TFG: variants seen among roughly 807,000 people sequenced by gnomAD.
The protein encoded by TFG is protein TFG.
Under a neutral mutation model 51.4 loss-of-function variants are expected in TFG, and 22 were observed. The ratio of observed to expected loss-of-function variants is 0.43; its 90% CI spans 0.31 to 0.61. TFG has a LOEUF of 0.61. TFG is among the 20% of genes least tolerant of loss of function. The pLI is 0.12. For missense variants in TFG, 419 were observed against 487.7 expected (o/e 0.86, Z 1.33); for synonymous variants, 187 against 165.6 (o/e 1.13, Z -0.99).
chr3:100,722,460 C>T (rs1455172808), intron 3 of TFG, among the ~76,000 whole-genome samples: 2 of 152,100 alleles, frequency 1.3e-5, no homozygotes, highest in Non-Finnish European at 2.9e-5. Flanking sequence ...AGTGGAAATA[C>T]ATTGAGGTAA....
intron 6 of TFG, among the ~76,000 whole-genome samples, chr3:100,738,858 AAATT>A (rs1489731934): frequency 6.6e-6 from 1 of 152,174 alleles, no homozygotes; most frequent in Non-Finnish European, 1.5e-5. Flanking sequence ...AGAAAAGGTA[AAATT>A]AATTTTATTT....
chr3:100,744,778 CTT>C (rs1396987172), intron 6 of TFG, 53 bp from the exon 7 acceptor site: 1 of 1,170,788 alleles, frequency 8.5e-7, no homozygotes, highest in Non-Finnish European at 1.3e-6. Context: ...AAATATTTCT[CTT>C]TGCCACATTA....
At chr3:100,733,261 C>T (rs2095096834) in intron 5 of TFG, among the ~76,000 whole-genome samples, 1 of 152,116 alleles carries the variant, frequency 6.6e-6, no homozygotes, top group South Asian at 2.1e-4. Flanking sequence ...TTGATACTGT[C>T]TCATGGGTCA....
At chr3:100,744,476 C>A (rs765831498) in intron 6 of TFG, 12 of 170,138 alleles carry the variant, frequency 7.1e-5, no homozygotes, top group Non-Finnish European at 1.5e-4. Flanking sequence ...TCCCTTTTCT[C>A]ATTTTTATTT....
intron 6 of TFG, among the ~76,000 whole-genome samples, chr3:100,739,422 C>G (rs1453275807): frequency 1.3e-5 from 2 of 151,870 alleles, no homozygotes; most frequent in Non-Finnish European, 2.9e-5. Flanking sequence ...TAATGTTACT[C>G]TTTTTCATAT....
intron 5 of TFG, among the ~76,000 whole-genome samples, chr3:100,735,756 T>C (rs1466905841): frequency 6.6e-6 from 1 of 152,212 alleles, no homozygotes; most frequent in African/African-American, 2.4e-5. Flanking sequence ...GTGTTCATTA[T>C]TTTGTAAGAA....
At chr3:100,729,996 C>G (rs897677488) in intron 4 of TFG, among the ~76,000 whole-genome samples, 5 of 152,008 alleles carry the variant, frequency 3.3e-5, no homozygotes, top group African/African-American at 1.2e-4. Flanking sequence ...ATGATGAAAC[C>G]TTTTATATTT....
At chr3:100,736,838 C>T in intron 6 of TFG, 122 bp downstream of exon 6, 1 of 1,096,764 alleles carries the variant, frequency 9.1e-7, no homozygotes, top group Non-Finnish European at 1.3e-6. Context: ...TTTTGATTTA[C>T]TGACATGATT....
At chr3:100,735,873 AAGTGAG>A (rs1248861722) in intron 5 of TFG, among the ~76,000 whole-genome samples, 9 of 152,094 alleles carry the variant, frequency 5.9e-5, no homozygotes, top group Admixed American at 5.9e-4. Flanking sequence ...TTAAGAGGGA[AAGTGAG>A]AGCTATTCAG....
intron 6 of TFG, among the ~76,000 whole-genome samples, chr3:100,737,564 A>G (rs975957410): frequency 1.3e-5 from 2 of 152,240 alleles, no homozygotes; most frequent in Non-Finnish European, 2.9e-5. Context: ...TTAAAGCCGC[A>G]TTCCACTTCA....
At chr3:100,715,677 G>A (rs1471551022) in intron 2 of TFG, among the ~76,000 whole-genome samples, 1 of 151,572 alleles carries the variant, frequency 6.6e-6, no homozygotes, top group African/African-American at 2.4e-5. Flanking sequence ...ATCATACATT[G>A]ATTTGCACCT....
At chr3:100,737,260 G>T (rs557088402) in intron 6 of TFG, among the ~76,000 whole-genome samples, 47 of 152,298 alleles carry the variant, frequency 3.1e-4, no homozygotes, top group African/African-American at 1.0e-3. Flanking sequence ...ATCTGTCCTT[G>T]GATATGCAGT....
chr3:100,713,493 A>C (rs559657895), intron 1 of TFG, 150 bp from the exon 2 acceptor site: 21 of 377,444 alleles, frequency 5.6e-5, no homozygotes, highest in African/African-American at 4.3e-4. Context: ...CAGTAAAATA[A>C]TGTTGCCTCC....
chr3:100,713,338 C>G (rs779567860), intron 1 of TFG, among the ~76,000 whole-genome samples: 2 of 152,070 alleles, frequency 1.3e-5, no homozygotes, highest in East Asian at 1.9e-4. Flanking sequence ...AAAGAAGCCT[C>G]TAGGAGAGGC....
Position 100,737,220 on chromosome 3 carries a change from A to G in TFG, c.721+504A>G, listed in dbSNP as rs145104559. ...GTCTTTAATGGAAAAAAAGCAGTGT[A>G]TTTTAAGTCAGACTTTTTCTTCTGA... is the stretch of plus-strand genomic sequence containing the variant. On this transcript the variant is annotated intron_variant, in intron 6 of 7. Transcript: ENST00000240851. Among the ~76,000 whole-genome samples, 3 of 152,332 alleles carry G rather than the reference A, an allele frequency of 2.0e-5. No individual in the cohort carries two copies. In the East Asian group the frequency reaches 5.8e-4, roughly 29 times the overall value.
intron 2 of TFG, among the ~76,000 whole-genome samples, chr3:100,718,507 G>A (rs1237607518): frequency 7.1e-6 from 1 of 140,984 alleles, no homozygotes; most frequent in Non-Finnish European, 1.5e-5. Context: ...TGTCCTCGTT[G>A]TAGTTTGTCT....
chr3:100,735,124 C>T (rs2095102978), intron 5 of TFG, among the ~76,000 whole-genome samples: 1 of 152,100 alleles, frequency 6.6e-6, no homozygotes, highest in Non-Finnish European at 1.5e-5. Context: ...GTGTATTTAT[C>T]TACATAGATA....
chr3:100,711,443 C>T (rs1169170194), intron 1 of TFG, among the ~76,000 whole-genome samples: 1 of 152,134 alleles, frequency 6.6e-6, no homozygotes, highest in Non-Finnish European at 1.5e-5. Flanking sequence ...AAACCCGTAC[C>T]CCAGTCAGAA....
chr3:100,741,975 A>T (rs768710296), intron 6 of TFG, among the ~76,000 whole-genome samples: 1 of 152,136 alleles, frequency 6.6e-6, no homozygotes, highest in Non-Finnish European at 1.5e-5. Context: ...CAATTTTCAG[A>T]ACCTACTCTT....
Sources: allele counts gnomAD v4.1 joint callset (sites outside exome capture counted in the v4.1 genomes callset), GRCh38; gene constraint gnomAD v4.1.1; transcripts MANE v1.5; gene names NCBI Gene and HGNC (gene_info 2026-07-23, HGNC 2026-07-21).